The following SLC38A12 variants were observed in gnomAD, a reference collection of about 807,000 sequenced individuals.
The protein encoded by SLC38A12 is putative sodium-coupled neutral amino acid transporter 12.
At chr17:74,839,416 C>G in the SLC38A12 span, 1 of 342,162 alleles carries the variant, frequency 2.9e-6, no homozygotes, top group Admixed American at 4.3e-5. Flanking sequence ...TGGAAGCGTC[C>G]TGTCTGGGGG....
chr17:74,790,366 G>T, the SLC38A12 span: 2 of 1,405,910 alleles, frequency 1.4e-6, no homozygotes, highest in African/African-American at 2.8e-5. Flanking sequence ...TCATGGAGAG[G>T]GCCCTGGAGA....
At chr17:74,838,439 CAAAGCTAATT>C in the SLC38A12 span, 1 of 1,019,288 alleles carries the variant, frequency 9.8e-7, no homozygotes, top group Non-Finnish European at 1.2e-6. Context: ...TGCTTAAAGA[CAAAGCTAATT>C]AAATCATCCT....
At chr17:74,777,779 C>G in the SLC38A12 span, 3 of 420,112 alleles carry the variant, frequency 7.1e-6, no homozygotes, top group Admixed American at 6.1e-5. Context: ...ATTAGCCGGG[C>G]ATGGTGGCAC....
At chr17:74,826,580 A>G in the SLC38A12 span, among the ~76,000 whole-genome samples, 1 of 152,192 alleles carries the variant, frequency 6.6e-6, no homozygotes, top group Non-Finnish European at 1.5e-5. Context: ...TGGATGCCCT[A>G]CAGGTCTGGA....
the SLC38A12 span, chr17:74,790,367 G>C: frequency 7.3e-7 from 1 of 1,367,180 alleles, no homozygotes; most frequent in Non-Finnish European, 1.0e-6. Context: ...CATGGAGAGG[G>C]CCCTGGAGAG....
the SLC38A12 span, among the ~76,000 whole-genome samples, chr17:74,792,090 G>A: frequency 7.9e-5 from 12 of 151,874 alleles, no homozygotes; most frequent in Non-Finnish European, 1.6e-4. Context: ...AGCTTGCAGT[G>A]AGCCAAGATC....
At chr17:74,836,693 G>T in the SLC38A12 span, 1 of 1,585,670 alleles carries the variant, frequency 6.3e-7, no homozygotes. The surrounding 1 kb of genome is among the most constrained non-coding windows in gnomAD (Gnocchi z 4.2). Context: ...TCTGATGGCA[G>T]GACAGGCAGG....
the SLC38A12 span, among the ~76,000 whole-genome samples, chr17:74,788,110 G>A: frequency 6.6e-6 from 1 of 152,104 alleles, no homozygotes; most frequent in Non-Finnish European, 1.5e-5. Flanking sequence ...TTCTTTAAGA[G>A]GAAAAGAAAA....
chr17:74,804,396 G>A, the SLC38A12 span, among the ~76,000 whole-genome samples: 2 of 152,276 alleles, frequency 1.3e-5, no homozygotes, highest in Admixed American at 6.5e-5. Context: ...AGTGCACCCT[G>A]GCCCTGAGGA....
the SLC38A12 span, among the ~76,000 whole-genome samples, chr17:74,791,928 C>CTT: frequency 1.9e-4 from 28 of 150,090 alleles, no homozygotes; most frequent in Middle Eastern, 3.9e-3. Context: ...AGGCGGCTCA[C>CTT]GAGGTGAGGA....
chr17:74,801,185 C>T, the SLC38A12 span, among the ~76,000 whole-genome samples: 6 of 152,358 alleles, frequency 3.9e-5, no homozygotes, highest in Non-Finnish European at 8.8e-5. Context: ...TTTCTTCTCC[C>T]TCCCAACGCA....
chr17:74,838,052 C>T, the SLC38A12 span: 1 of 985,878 alleles, frequency 1.0e-6, no homozygotes, highest in Non-Finnish European at 1.2e-6. Context: ...GTAGGGTCTC[C>T]CGGGGCCCAA....
the SLC38A12 span, chr17:74,838,535 G>A: frequency 5.4e-6 from 6 of 1,115,328 alleles, no homozygotes; most frequent in African/African-American, 1.6e-5. Context: ...TTATGTGACA[G>A]TCTGGAACCG....
the SLC38A12 span, chr17:74,836,685 T>C: frequency 6.3e-7 from 1 of 1,592,598 alleles, no homozygotes; most frequent in South Asian, 1.1e-5. The surrounding 1 kb of genome is among the most constrained non-coding windows in gnomAD (Gnocchi z 4.2). Context: ...GACCAAGCTC[T>C]GATGGCAGGA....
At chr17:74,797,983 C>A in the SLC38A12 span, among the ~76,000 whole-genome samples, 2 of 152,206 alleles carry the variant, frequency 1.3e-5, no homozygotes, top group African/African-American at 2.4e-5. Context: ...TTGTCCATCC[C>A]TTCTAGGGAT....
the SLC38A12 span, among the ~76,000 whole-genome samples, chr17:74,805,363 G>A: frequency 6.6e-6 from 1 of 152,234 alleles, no homozygotes; most frequent in Non-Finnish European, 1.5e-5. This position sits in a 1 kb window ranked among gnomAD's most constrained non-coding sequence, Gnocchi z 5.0. Flanking sequence ...GCTGGAGGCT[G>A]CTTTGTCACT....
chr17:74,804,843 A>G, the SLC38A12 span, among the ~76,000 whole-genome samples: 1 of 152,196 alleles, frequency 6.6e-6, no homozygotes, highest in Non-Finnish European at 1.5e-5. Context: ...CTTCTCCCAC[A>G]CTACTGCAGG....
the SLC38A12 span, among the ~76,000 whole-genome samples, chr17:74,783,404 CGGGAGGCAGGACAACTTT>C: frequency 2.6e-5 from 4 of 152,170 alleles, no homozygotes; most frequent in South Asian, 8.3e-4. Context: ...GATTCAAAGG[CGGGAGGCAGGACAACTTT>C]GGGAGCCTGG....
the SLC38A12 span, chr17:74,837,892 C>A: frequency 1.0e-5 from 10 of 985,872 alleles, no homozygotes; most frequent in South Asian, 3.3e-4. Flanking sequence ...CTGGGCCTGG[C>A]CCCACCTGTC....
Sources: gnomAD v4.1 joint callset for allele counts (sites outside exome capture counted in the v4.1 genomes callset) on GRCh38, gnomAD v4.1.1 for gene constraint, Gnocchi (gnomAD v3.1) non-coding constraint, MANE v1.5 for transcripts, NCBI Gene and HGNC (gene_info 2026-07-23, HGNC 2026-07-21) for gene names.